The following SLC35F4 variants were observed in gnomAD, a reference collection of about 807,000 sequenced individuals.
SLC35F4 encodes the protein solute carrier family 35 member F4.
In SLC35F4, 24 loss-of-function variants were observed where a neutral mutation model predicts 44.2. That is an observed-to-expected ratio of 0.54 (90% confidence interval 0.39 to 0.76). The LOEUF (loss-of-function observed/expected upper bound fraction) is 0.76. Ranked by LOEUF, SLC35F4 falls within the 30% of genes least tolerant of loss-of-function variation. The pLI is 0.00. For synonymous variants in SLC35F4, 238 were observed against 223.6 expected (o/e 1.06, Z -0.57); for missense variants, 562 against 586.1 (o/e 0.96, Z 0.42).
intron 1 of SLC35F4, among the ~76,000 whole-genome samples, chr14:57,979,703 C>T (rs1351464570): frequency 6.6e-6 from 1 of 152,232 alleles, no homozygotes; most frequent in African/African-American, 2.4e-5. Context: ...CTAAGATGCA[C>T]TTCCCAAGAT....
At chr14:57,911,477 G>A (rs1889214955) in intron 1 of SLC35F4, among the ~76,000 whole-genome samples, 1 of 151,966 alleles carries the variant, frequency 6.6e-6, no homozygotes, top group Non-Finnish European at 1.5e-5. Context: ...TTACTTTGCT[G>A]AGAGTGTTTA....
intron 1 of SLC35F4, among the ~76,000 whole-genome samples, chr14:57,945,154 T>C (rs895445269): frequency 2.0e-5 from 3 of 152,184 alleles, no homozygotes; most frequent in African/African-American, 7.2e-5. Flanking sequence ...CCATTTTCTT[T>C]TAAAGAGCCT....
intron 1 of SLC35F4, among the ~76,000 whole-genome samples, chr14:57,699,806 T>G (rs1281559245): frequency 6.6e-6 from 1 of 152,142 alleles, no homozygotes; most frequent in Admixed American, 6.6e-5. Context: ...CCATATAAAT[T>G]TATTCATTTA....
At chr14:57,659,711 A>G (rs2074076733) in intron 1 of SLC35F4, among the ~76,000 whole-genome samples, 1 of 152,148 alleles carries the variant, frequency 6.6e-6, no homozygotes, top group Admixed American at 6.6e-5. Context: ...TATATAGCTG[A>G]GGGTTGTACT....
chr14:57,870,395 C>T (rs1675517757), upstream of SLC35F4, among the ~76,000 whole-genome samples: 2 of 152,132 alleles, frequency 1.3e-5, no homozygotes, highest in Admixed American at 6.5e-5. Flanking sequence ...GCTGCGTGAC[C>T]TTGGGTAAAT....
intron 1 of SLC35F4, among the ~76,000 whole-genome samples, chr14:57,825,934 C>T (rs1883702657): frequency 6.6e-6 from 1 of 152,142 alleles, no homozygotes; most frequent in East Asian, 1.9e-4. Context: ...AATGGCCATA[C>T]TGCCCAAAGT....
intron 1 of SLC35F4, among the ~76,000 whole-genome samples, chr14:57,897,257 T>C (rs1432358634): frequency 2.6e-5 from 4 of 152,026 alleles, no homozygotes; most frequent in African/African-American, 9.7e-5. Context: ...CCTGATAGGG[T>C]TAAAGCTCCT....
At chr14:57,897,065 C>T (rs1281812302) in intron 1 of SLC35F4, among the ~76,000 whole-genome samples, 1 of 152,162 alleles carries the variant, frequency 6.6e-6, no homozygotes, top group Non-Finnish European at 1.5e-5. Flanking sequence ...TAACTAAATA[C>T]ACATACATAG....
intron 1 of SLC35F4, among the ~76,000 whole-genome samples, chr14:57,893,943 G>C (rs1218125850): frequency 6.6e-6 from 1 of 152,098 alleles, no homozygotes; most frequent in Non-Finnish European, 1.5e-5. Flanking sequence ...AAATTCAAAA[G>C]TATTTTGGTT....
intron 1 of SLC35F4, among the ~76,000 whole-genome samples, chr14:57,818,565 T>A (rs1305991760): frequency 6.6e-6 from 1 of 152,180 alleles, no homozygotes; most frequent in Non-Finnish European, 1.5e-5. Context: ...GGGAATTTAC[T>A]GGTGTGTTTC....
At chr14:57,765,367 C>A (rs562061158) in intron 1 of SLC35F4, among the ~76,000 whole-genome samples, 74 of 152,300 alleles carry the variant, frequency 4.9e-4, no homozygotes, top group African/African-American at 1.6e-3. Context: ...AGATAAAGAT[C>A]CCCTCTCTAC....
intron 1 of SLC35F4, among the ~76,000 whole-genome samples, chr14:57,914,511 C>T (rs150203923): frequency 0.095 from 14,426 of 151,728 alleles, 733 homozygotes; most frequent in Middle Eastern, 0.12. Flanking sequence ...TGCAGTGAGC[C>T]GAGATCGCGC....
intron 1 of SLC35F4, chr14:57,596,922 A>T (rs756344958): frequency 7.4e-7 from 1 of 1,348,344 alleles, no homozygotes; most frequent in Non-Finnish European, 9.9e-7. Flanking sequence ...TCACTGTCTT[A>T]AACAATACAA....
intron 1 of SLC35F4, among the ~76,000 whole-genome samples, chr14:57,926,901 G>T (rs1184306851): frequency 1.3e-5 from 2 of 152,162 alleles, no homozygotes; most frequent in African/African-American, 4.8e-5. Flanking sequence ...CGATTCCAAA[G>T]CTGCCCTCTG....
At chr14:57,915,662 C>CACATTAT (rs148690822) in intron 1 of SLC35F4, among the ~76,000 whole-genome samples, 38,996 of 151,896 alleles carry the variant, frequency 0.26, 5,125 homozygotes, top group East Asian at 0.41. Context: ...CGGTCTTTGC[C>CACATTAT]ACATTATAAC....
At chr14:57,941,709 TA>T (rs146609565) in intron 1 of SLC35F4, among the ~76,000 whole-genome samples, 22 of 148,212 alleles carry the variant, frequency 1.5e-4, no homozygotes, top group East Asian at 7.8e-4. Context: ...CAGCTCAATT[TA>T]AAAAAAAAAG....
chr14:57,832,275 C>T (rs1884456147), intron 1 of SLC35F4, among the ~76,000 whole-genome samples: 2 of 146,116 alleles, frequency 1.4e-5, no homozygotes, highest in African/African-American at 4.9e-5. Flanking sequence ...GCAGAATGGG[C>T]TTCAAGAGTT....
At chr14:57,646,138 A>G (rs7152426) in intron 1 of SLC35F4, among the ~76,000 whole-genome samples, 3 of 151,980 alleles carry the variant, frequency 2.0e-5, no homozygotes, top group Non-Finnish European at 4.4e-5. Context: ...CTGGCCTCAT[A>G]AAATGAGTTA....
intron 1 of SLC35F4, among the ~76,000 whole-genome samples, chr14:57,602,913 C>T (rs974668524): frequency 6.6e-6 from 1 of 152,192 alleles, no homozygotes; most frequent in South Asian, 2.1e-4. Context: ...TAACCCCTCT[C>T]CCTTAACTAT....
Sources: allele counts gnomAD v4.1 joint callset (sites outside exome capture counted in the v4.1 genomes callset), GRCh38; gene constraint gnomAD v4.1.1; transcripts MANE v1.5; gene names NCBI Gene and HGNC (gene_info 2026-07-23, HGNC 2026-07-21).